The following GPC5 variants were observed in gnomAD, a reference collection of about 807,000 sequenced individuals.
GPC5 encodes the protein glypican 5, also known as glypican-5.
In GPC5, 47 loss-of-function variants were observed where a neutral mutation model predicts 53.9. That is an observed-to-expected ratio of 0.87 (90% confidence interval 0.69 to 1.11). The LOEUF (loss-of-function observed/expected upper bound fraction) is 1.11, where lower values mean the gene tolerates loss of function less well. Ranked by LOEUF, GPC5 falls within the 50% of genes most tolerant of loss-of-function variation. The probability of loss-of-function intolerance (pLI) is 0.00; values close to 1 mark genes in which losing one functional copy is unlikely to be tolerated. For synonymous variants in GPC5, 286 were observed against 263.3 expected (o/e 1.09, Z -0.84); for missense variants, 748 against 713.1 (o/e 1.05, Z -0.56).
intron 2 of GPC5, among the ~76,000 whole-genome samples, chr13:91,679,959 T>C (rs183315580): frequency 6.6e-6 from 1 of 152,254 alleles, no homozygotes; most frequent in Admixed American, 6.5e-5. Context: ...AACAAAGTGA[T>C]TGACAGGCAA....
At chr13:91,499,826 A>G (rs1884517776) in intron 2 of GPC5, among the ~76,000 whole-genome samples, 2 of 152,308 alleles carry the variant, frequency 1.3e-5, no homozygotes, top group South Asian at 4.1e-4. Context: ...AGATACATGG[A>G]GCCACTTCCT....
chr13:92,081,332 C>G (rs1301671196), intron 6 of GPC5, among the ~76,000 whole-genome samples: 1 of 152,128 alleles, frequency 6.6e-6, no homozygotes, highest in Non-Finnish European at 1.5e-5. Context: ...GAACTCCTGA[C>G]CTCAAGTGAT....
At chr13:92,733,319 CT>C (rs1237127971) in intron 7 of GPC5, among the ~76,000 whole-genome samples, 3 of 151,620 alleles carry the variant, frequency 2.0e-5, no homozygotes, top group Non-Finnish European at 4.4e-5. Flanking sequence ...AGATTTTGAT[CT>C]TTTTTTCCTA....
intron 2 of GPC5, among the ~76,000 whole-genome samples, chr13:91,532,432 A>C (rs1031983084): frequency 6.6e-6 from 1 of 152,252 alleles, no homozygotes; most frequent in Non-Finnish European, 1.5e-5. Flanking sequence ...TCTGATGATC[A>C]GAAACCTTTT....
At chr13:91,554,941 A>G (rs939575676) in intron 2 of GPC5, among the ~76,000 whole-genome samples, 1 of 152,116 alleles carries the variant, frequency 6.6e-6, no homozygotes, top group African/African-American at 2.4e-5. Context: ...ACAAGAAAAG[A>G]ATAAACAAGC....
At chr13:92,427,674 C>G (rs1876895383) in intron 7 of GPC5, among the ~76,000 whole-genome samples, 2 of 151,944 alleles carry the variant, frequency 1.3e-5, no homozygotes, top group African/African-American at 4.8e-5. Context: ...ATTTATTTTT[C>G]CGATGATTCC....
At chr13:92,667,745 A>G (rs1418851999) in intron 7 of GPC5, among the ~76,000 whole-genome samples, 1 of 152,186 alleles carries the variant, frequency 6.6e-6, no homozygotes, top group Non-Finnish European at 1.5e-5. Flanking sequence ...CACATGTATT[A>G]ATAAGACATA....
At chr13:92,009,285 T>TGTGTGTGTGTGTGTGTGTGTG (rs1594721385) in intron 6 of GPC5, among the ~76,000 whole-genome samples, 1 of 150,920 alleles carries the variant, frequency 6.6e-6, no homozygotes, top group South Asian at 2.1e-4. Context: ...TGTGTGTGTG[T>TGTGTGTGTGTGTGTGTGTGTG]TTCAATATGG....
At chr13:92,314,739 G>T (rs2139214999) in intron 7 of GPC5, among the ~76,000 whole-genome samples, 1 of 152,254 alleles carries the variant, frequency 6.6e-6, no homozygotes, top group South Asian at 2.1e-4. Flanking sequence ...AGGAGAAACT[G>T]AGTAAGTGTC....
intron 2 of GPC5, among the ~76,000 whole-genome samples, chr13:91,685,306 G>C (rs904030648): frequency 6.6e-6 from 1 of 152,118 alleles, no homozygotes; most frequent in Admixed American, 6.6e-5. Flanking sequence ...CCTTGTCTCA[G>C]AATAAAATAA....
At chr13:92,209,614 C>T (rs1429178527) in intron 7 of GPC5, among the ~76,000 whole-genome samples, 1 of 152,010 alleles carries the variant, frequency 6.6e-6, no homozygotes, top group African/African-American at 2.4e-5. Context: ...GTTAATGCTC[C>T]CAACAACCTT....
chr13:92,353,285 G>A (rs373426058), intron 7 of GPC5, among the ~76,000 whole-genome samples: 819 of 111,674 alleles, frequency 7.3e-3, no homozygotes, highest in Middle Eastern at 0.015. Flanking sequence ...AAAAAAAAAA[G>A]AAATGTGTAT....
intron 2 of GPC5, among the ~76,000 whole-genome samples, chr13:91,498,118 AC>A (rs551691154): frequency 0.013 from 1,861 of 144,128 alleles, 38 homozygotes; most frequent in African/African-American, 0.046. Flanking sequence ...AATGCTTTTC[AC>A]CCCCCTACCT....
intron 6 of GPC5, among the ~76,000 whole-genome samples, chr13:91,988,336 G>C (rs946806958): frequency 2.1e-4 from 32 of 152,142 alleles, no homozygotes; most frequent in Admixed American, 2.0e-3. Flanking sequence ...ATTCAGAATT[G>C]TTCTGGGTTG....
intron 7 of GPC5, among the ~76,000 whole-genome samples, chr13:92,289,584 A>C (rs2042979780): frequency 6.6e-6 from 1 of 151,960 alleles, no homozygotes; most frequent in South Asian, 2.1e-4. Context: ...AATAATTCTA[A>C]TATTAGTTAA....
At chr13:91,451,368 G>T (rs1881162936) in intron 2 of GPC5, among the ~76,000 whole-genome samples, 1 of 152,052 alleles carries the variant, frequency 6.6e-6, no homozygotes, top group Non-Finnish European at 1.5e-5. Context: ...ATATTTTTTA[G>T]AGCAAACTTT....
chr13:91,633,242 A>G (rs989538789), intron 2 of GPC5, among the ~76,000 whole-genome samples: 13 of 152,080 alleles, frequency 8.5e-5, no homozygotes, highest in African/African-American at 2.9e-4. Context: ...ATTGCTCTTG[A>G]TTTTCAGTTG....
intron 7 of GPC5, among the ~76,000 whole-genome samples, chr13:92,825,422 T>C (rs1234276932): frequency 1.3e-5 from 2 of 152,076 alleles, no homozygotes; most frequent in Non-Finnish European, 2.9e-5. Flanking sequence ...TTTGAAAGCA[T>C]AAAAAAATGC....
chr13:92,185,262 G>T (rs2042175756), intron 7 of GPC5, among the ~76,000 whole-genome samples: 1 of 151,974 alleles, frequency 6.6e-6, no homozygotes, highest in Non-Finnish European at 1.5e-5. Flanking sequence ...CAAGTCTGTG[G>T]GAATTCTTCC....
Sources: gnomAD v4.1 joint callset for allele counts (sites outside exome capture counted in the v4.1 genomes callset) on GRCh38, gnomAD v4.1.1 for gene constraint, MANE v1.5 for transcripts, NCBI Gene and HGNC (gene_info 2026-07-23, HGNC 2026-07-21) for gene names.